Variants in SLC8A1 observed in about 807,000 individuals in gnomAD.
SLC8A1 encodes the protein solute carrier family 8 member A1, also known as sodium/calcium exchanger 1.
SLC8A1 carries 18 observed loss-of-function variants against 68.3 expected under a neutral mutation model. The observed-to-expected ratio is 0.26, with a 90% CI of 0.18 to 0.39. The LOEUF (loss-of-function observed/expected upper bound fraction) is 0.39, where lower values mean the gene tolerates loss of function less well. Among genes scored for constraint, SLC8A1 ranks in the 10% least tolerant of loss-of-function variants. The pLI is 1.00. For synonymous variants in SLC8A1, 475 were observed against 415.5 expected (o/e 1.14, Z -1.74); for missense variants, 985 against 1,156.7 (o/e 0.85, Z 2.15).
intron 2 of SLC8A1, among the ~76,000 whole-genome samples, chr2:40,411,271 T>A (rs1317076526): frequency 6.6e-6 from 1 of 152,038 alleles, no homozygotes; most frequent in African/African-American, 2.4e-5. Flanking sequence ...AGCATAACAC[T>A]TTGCACACAG....
intron 6 of SLC8A1, among the ~76,000 whole-genome samples, chr2:40,158,038 T>C (rs901442937): frequency 2.0e-5 from 3 of 152,172 alleles, no homozygotes; most frequent in Admixed American, 6.6e-5. Context: ...GAAAAGCAAA[T>C]CCCTATTTAC....
intron 2 of SLC8A1, among the ~76,000 whole-genome samples, chr2:40,324,201 C>G (rs2075553085): frequency 6.6e-6 from 1 of 152,060 alleles, no homozygotes; most frequent in Non-Finnish European, 1.5e-5. Context: ...TAGTGAAGAG[C>G]TTTTAACTTT....
chr2:40,469,383 A>C (rs1019347372), intron 1 of SLC8A1, among the ~76,000 whole-genome samples: 1 of 152,078 alleles, frequency 6.6e-6, no homozygotes, highest in African/African-American at 2.4e-5. Flanking sequence ...CCATGCCACC[A>C]TGTGAAGAAG....
At chr2:40,432,845 G>T (rs1698632891) in intron 1 of SLC8A1, among the ~76,000 whole-genome samples, 1 of 152,036 alleles carries the variant, frequency 6.6e-6, no homozygotes, top group East Asian at 1.9e-4. Flanking sequence ...TGGAAACAAG[G>T]AGACCAGATT....
At chr2:40,130,412 C>CA (rs2039090716) in intron 7 of SLC8A1, among the ~76,000 whole-genome samples, 1 of 152,194 alleles carries the variant, frequency 6.6e-6, no homozygotes, top group African/African-American at 2.4e-5. Context: ...CTGGAAAGTA[C>CA]AAAGCATTTA....
At chr2:40,185,996 T>C (rs1294555955) in intron 2 of SLC8A1, among the ~76,000 whole-genome samples, 1 of 152,166 alleles carries the variant, frequency 6.6e-6, no homozygotes, top group Non-Finnish European at 1.5e-5. Flanking sequence ...CCTCAGGATT[T>C]TGCATAGAAT....
chr2:40,200,232 A>T (rs2054025317), intron 2 of SLC8A1, among the ~76,000 whole-genome samples: 1 of 33,414 alleles, frequency 3.0e-5, no homozygotes, highest in African/African-American at 8.6e-5. Context: ...TTTTATATAT[A>T]TATATAAATA....
chr2:40,369,082 A>C (rs1677164176), intron 2 of SLC8A1, among the ~76,000 whole-genome samples: 1 of 152,058 alleles, frequency 6.6e-6, no homozygotes, highest in South Asian at 2.1e-4. Context: ...AACTATAAAA[A>C]CTTTAGGAGA....
At chr2:40,454,630 G>A (rs965330477), upstream of SLC8A1, among the ~76,000 whole-genome samples, 2 of 152,060 alleles carry the variant, frequency 1.3e-5, no homozygotes, top group Admixed American at 6.5e-5. Flanking sequence ...TGTTTATCTA[G>A]AACTATTGGA....
intron 2 of SLC8A1, chr2:40,337,315 G>A (rs1025638247): frequency 2.8e-6 from 1 of 352,574 alleles, no homozygotes; most frequent in South Asian, 2.1e-5. Context: ...ATCATAAACA[G>A]TGATATTGTT....
rs554693675 is a variant in SLC8A1, at chr2:40,412,538, G to A, written c.1808+15935C>T. Among the ~76,000 whole-genome samples, 183 of 152,274 alleles carry A rather than the reference G, an allele frequency of 1.2e-3. 1 individual carries two copies. The highest frequency in any genetic ancestry group is 4.0e-3 in the Admixed American group (61 of 15,274). On this transcript the variant is annotated intron_variant, in intron 2 of 7. Coordinates refer to ENST00000406785, the Ensembl canonical transcript of SLC8A1. ...AACTGAAACAGATTCTTGACCATGGGAATGGAGGCACTACCTTAAGAGCAA... is the reference window on the plus strand; with the variant it reads ...AACTGAAACAGATTCTTGACCATGGAAATGGAGGCACTACCTTAAGAGCAA...
chr2:40,308,527 C>A (rs2073089188), intron 2 of SLC8A1, among the ~76,000 whole-genome samples: 1 of 152,040 alleles, frequency 6.6e-6, no homozygotes, highest in African/African-American at 2.4e-5. Context: ...CAGGAAGAAG[C>A]TTGGAAGGTT....
rs567917688 is a variant in SLC8A1, at chr2:40,148,228, C to G, written c.2162-8552G>C. On this transcript the variant is annotated intron_variant, in intron 6 of 7. Coordinates refer to ENST00000406785, the Ensembl canonical transcript of SLC8A1. Reference sequence around the variant, plus strand: ...AATGGCTGGCTCAATTTTATTCTTCCTGGAATTTTATTTAAAAAAATGCAT... The same window carrying G: ...AATGGCTGGCTCAATTTTATTCTTCGTGGAATTTTATTTAAAAAAATGCAT... 2.0e-5 allele frequency among the ~76,000 whole-genome samples: 3 copies of G among 152,234 alleles called. No individual in the cohort carries two copies. In the East Asian group the frequency reaches 5.8e-4, roughly 29 times the overall value.
intron 6 of SLC8A1, among the ~76,000 whole-genome samples, chr2:40,150,780 G>A (rs1301452109): frequency 6.6e-6 from 1 of 152,150 alleles, no homozygotes; most frequent in African/African-American, 2.4e-5. Flanking sequence ...CATATCCAGA[G>A]GCCAGAAAAT....
intron 1 of SLC8A1, chr2:40,446,713 T>C (rs1202657992): frequency 6.6e-6 from 1 of 152,232 alleles, no homozygotes; most frequent in African/African-American, 2.4e-5. Context: ...CATTACTTGT[T>C]AGCCCTTGGC....
At chr2:40,356,906 A>C (rs1048434421) in intron 2 of SLC8A1, among the ~76,000 whole-genome samples, 5 of 152,250 alleles carry the variant, frequency 3.3e-5, no homozygotes, top group African/African-American at 1.2e-4. Context: ...ATTATAAAAA[A>C]AAATGACAAG....
chr2:40,418,155 G>T (rs893361073), intron 2 of SLC8A1, among the ~76,000 whole-genome samples: 30 of 151,946 alleles, frequency 2.0e-4, no homozygotes, highest in African/African-American at 6.8e-4. Flanking sequence ...AATAACAACC[G>T]CAAGATAGTT....
intron 1 of SLC8A1, among the ~76,000 whole-genome samples, chr2:40,509,689 G>A (rs373443529): frequency 4.1e-4 from 63 of 152,152 alleles, no homozygotes; most frequent in African/African-American, 1.5e-3. Context: ...GTCTCATGAT[G>A]TAGACAGAAG....
At chr2:40,270,379 G>A (rs951956582) in intron 2 of SLC8A1, among the ~76,000 whole-genome samples, 4 of 152,254 alleles carry the variant, frequency 2.6e-5, no homozygotes, top group Non-Finnish European at 5.9e-5. Context: ...TATGTCAGAA[G>A]TCTGACACAG....
Sources: allele counts gnomAD v4.1 joint callset (sites outside exome capture counted in the v4.1 genomes callset), GRCh38; gene constraint gnomAD v4.1.1; transcripts MANE v1.5; gene names NCBI Gene and HGNC (gene_info 2026-07-23, HGNC 2026-07-21).